Variants in TPX2 observed in about 807,000 individuals in gnomAD.
The protein encoded by TPX2 is targeting protein for Xklp2.
TPX2 carries 21 observed loss-of-function variants against 93.6 expected under a neutral mutation model. The observed-to-expected ratio is 0.22, with a 90% CI of 0.16 to 0.32. The LOEUF is 0.32. Among genes scored for constraint, TPX2 ranks in the 10% least tolerant of loss-of-function variants. TPX2 has a pLI of 1.00. For missense variants in TPX2, 776 were observed against 871.1 expected, an observed-to-expected ratio of 0.89 and a Z score of 1.37; for synonymous variants, 281 against 298.3, an observed-to-expected ratio of 0.94 and a Z score of 0.60.
chr20:31,763,684 CTTTAATTTAATTTAAA>C lies in TPX2; in HGVS notation c.230-2847_230-2832del, dbSNP rs1225811607. On this transcript the variant is annotated intron_variant, in intron 4 of 17. Transcript: ENST00000300403. ...TTATGTCACGTTGATGAATTGGCCACTTTAATTTAATTTAAATTTAATTTAATTTAAATTTAATTTT... is the reference window on the plus strand; with the variant it reads ...TTATGTCACGTTGATGAATTGGCCACTTTAATTTAATTTAAATTTAATTTT... Among the ~76,000 whole-genome samples the C allele has an allele frequency of 8.0e-4, 120 of 149,276 alleles. No homozygotes were observed. The East Asian group carries it at 0.01, about 13-fold the overall frequency.
At chr20:31,744,159 C>CTTT (rs11465034) in intron 2 of TPX2, among the ~76,000 whole-genome samples, 61 of 112,236 alleles carry the variant, frequency 5.4e-4, no homozygotes, top group African/African-American at 7.7e-4. Flanking sequence ...ATTTTTTTAA[C>CTTT]TTTTTTTTTT....
chr20:31,746,485 T>C (rs1208132713), intron 2 of TPX2, among the ~76,000 whole-genome samples: 1 of 152,224 alleles, frequency 6.6e-6, no homozygotes, highest in Non-Finnish European at 1.5e-5. Flanking sequence ...CCATCTTAAC[T>C]AACTATACTT....
intron 2 of TPX2, among the ~76,000 whole-genome samples, chr20:31,753,376 A>G (rs1207716545): frequency 1.3e-5 from 2 of 152,198 alleles, no homozygotes; most frequent in Non-Finnish European, 2.9e-5. Flanking sequence ...TTGCTGCTTT[A>G]CAGGATTGTT....
In TPX2 at chr20:31,786,604, A is replaced by G. The variant is rs77331109; in HGVS notation, c.1413+2683A>G. 2.0e-3 allele frequency among the ~76,000 whole-genome samples: 306 copies of G among 152,196 alleles called. 2 individuals are homozygous for G. Among genetic ancestry groups the G allele is most frequent in the Non-Finnish European group, 3.6e-3 (245 of 68,004 alleles). ...TTTTTAGTAATGACTGGGTTTCGCC[A>G]TGTTGCCCAGGCTGGTCTTGAGCTC... On this transcript the variant is annotated intron_variant, in intron 12 of 17. Transcript: ENST00000300403.
intron 16 of TPX2, among the ~76,000 whole-genome samples, chr20:31,797,921 G>T (rs1179493167): frequency 6.6e-6 from 1 of 152,172 alleles, no homozygotes; most frequent in Non-Finnish European, 1.5e-5. Flanking sequence ...ATTCCACCGG[G>T]TGTGGTGGCT....
chr20:31,786,540 A>T (rs2062068253), intron 12 of TPX2, among the ~76,000 whole-genome samples: 1 of 152,056 alleles, frequency 6.6e-6, no homozygotes, highest in East Asian at 1.9e-4. Context: ...AGTAGCTGGG[A>T]ATACAGGCAC....
intron 12 of TPX2, among the ~76,000 whole-genome samples, chr20:31,785,159 G>A (rs1182059520): frequency 6.6e-6 from 1 of 152,144 alleles, no homozygotes; most frequent in Non-Finnish European, 1.5e-5. Context: ...ACTTTTGATT[G>A]AGAGCTTTTT....
chr20:31,746,898 A>G (rs1192789965), intron 2 of TPX2, among the ~76,000 whole-genome samples: 1 of 152,192 alleles, frequency 6.6e-6, no homozygotes, highest in Non-Finnish European at 1.5e-5. Context: ...TTACCCTAGA[A>G]AAAGTCAACG....
intron 5 of TPX2, 113 bp downstream of exon 5, chr20:31,766,795 C>CT (rs11299452): frequency 0.081 from 36,277 of 448,332 alleles, 5 homozygotes; most frequent in East Asian, 0.096. Flanking sequence ...CTTTATGTTA[C>CT]TTTTTTTTTT....
At chr20:31,766,032 GAGAAA>G (rs1368608474) in intron 4 of TPX2, among the ~76,000 whole-genome samples, 13 of 152,142 alleles carry the variant, frequency 8.5e-5, no homozygotes, top group South Asian at 2.1e-4. Flanking sequence ...TAGTGCAGGA[GAGAAA>G]AACTTTGAGT....
At chr20:31,799,202 C>T (rs1011996203) in intron 17 of TPX2, among the ~76,000 whole-genome samples, 4 of 152,100 alleles carry the variant, frequency 2.6e-5, no homozygotes, top group Non-Finnish European at 4.4e-5. Flanking sequence ...ACATTAAGGA[C>T]CAATCTGCTA....
intron 12 of TPX2, among the ~76,000 whole-genome samples, chr20:31,791,863 A>G (rs774849671): frequency 1.3e-5 from 2 of 152,312 alleles, no homozygotes; most frequent in Non-Finnish European, 2.9e-5. Context: ...ACTTCATTCA[A>G]AACAGCAGCC....
Position 31,797,409 on chromosome 20 carries a change from A to G in TPX2, c.1839A>G (p.Glu613=). ...ACTGACTTTCTCTCTAATAGCTGGAAGAAGAACTGAGACAGCAGAAAGAAG... is the reference window on the plus strand; with the variant it reads ...ACTGACTTTCTCTCTAATAGCTGGAGGAAGAACTGAGACAGCAGAAAGAAG... The part of the protein sequence containing the change: ...LKAQTWKHQL[E]EELRQQKEAA... Residue 613 remains glutamate (E), a synonymous_variant, in exon 16 of 18, where the codon GAA becomes GAG. Transcript: ENST00000300403. 2 of 1,614,092 alleles carry G rather than the reference A, an allele frequency of 1.2e-6. No individual in the cohort carries two copies. Among genetic ancestry groups the G allele is most frequent in the Non-Finnish European group, 8.5e-7 (1 of 1,179,964 alleles).
chr20:31,787,759 A>G (rs925648434), intron 12 of TPX2, among the ~76,000 whole-genome samples: 2 of 152,228 alleles, frequency 1.3e-5, no homozygotes, highest in East Asian at 1.9e-4. Context: ...GCATTTTTAC[A>G]TAAGATAATT....
At chr20:31,748,494 A>G (rs1328818397) in intron 2 of TPX2, among the ~76,000 whole-genome samples, 1 of 152,238 alleles carries the variant, frequency 6.6e-6, no homozygotes, top group African/African-American at 2.4e-5. Flanking sequence ...ATATATTTAT[A>G]ACAGGATTTG....
chr20:31,762,248 G>T (rs1190386392), intron 4 of TPX2, among the ~76,000 whole-genome samples: 1 of 152,094 alleles, frequency 6.6e-6, no homozygotes, highest in Non-Finnish European at 1.5e-5. Flanking sequence ...AATCCCATTT[G>T]TCTACTTTTG....
intron 2 of TPX2, among the ~76,000 whole-genome samples, chr20:31,756,905 G>A (rs1217862864): frequency 6.6e-6 from 1 of 152,072 alleles, no homozygotes; most frequent in Non-Finnish European, 1.5e-5. Flanking sequence ...GGGATTACAG[G>A]CGTGAGCCAC....
chr20:31,794,488 A>G lies in TPX2; in HGVS notation c.1773A>G (p.Glu591=). ...AGGTAAAGAATGTGACCCAGATTGA[A>G]CCTTTCTGCTTGGAGACTGACAGAA... ...EKKVKNVTQI[E]PFCLETDRRG... Residue 591 remains glutamate (E), a synonymous_variant, in exon 15 of 18, where the codon GAA becomes GAG. Transcript: ENST00000300403. 6.2e-7 allele frequency: 1 copy of G among 1,614,064 alleles called. No homozygotes were observed. The highest frequency in any genetic ancestry group is 8.5e-7 in the Non-Finnish European group (1 of 1,180,018).
At chr20:31,768,402 A>ATTT (rs71272861) in intron 5 of TPX2, among the ~76,000 whole-genome samples, 3 of 140,370 alleles carry the variant, frequency 2.1e-5, no homozygotes, top group Admixed American at 7.1e-5. Flanking sequence ...CGCGCGGCTA[A>ATTT]TTTTTTTTTT....
Sources: allele counts gnomAD v4.1 joint callset (sites outside exome capture counted in the v4.1 genomes callset), GRCh38; gene constraint gnomAD v4.1.1; transcripts MANE v1.5; gene names NCBI Gene and HGNC (gene_info 2026-07-23, HGNC 2026-07-21).